The following KIFC2 variants were observed in gnomAD, a reference collection of about 807,000 sequenced individuals.
The protein encoded by KIFC2 is kinesin family member C2, also known as kinesin-like protein KIFC2.
In KIFC2, 94 loss-of-function variants were observed where a neutral mutation model predicts 91.5. The observed-to-expected ratio is 1.03, with a 90% confidence interval of 0.87 to 1.22. The LOEUF is 1.22. Among genes scored for constraint, KIFC2 ranks in the 50% most tolerant of loss-of-function variants. KIFC2 has a pLI of 0.00. For synonymous variants in KIFC2, 729 were observed against 503.9 expected, an observed-to-expected ratio of 1.45 and a Z score of -5.98; for missense variants, 1,357 against 1,103.3, an observed-to-expected ratio of 1.23 and a Z score of -3.26.
At chr8:144,466,221 A>C, upstream of KIFC2, 1 of 184,110 alleles carries the variant, frequency 5.4e-6, no homozygotes, top group Non-Finnish European at 1.1e-5. Flanking sequence ...CGCCGTGAGA[A>C]ACGGCGGGTC....
At position 144,472,861 on chromosome 8, in the gene KIFC2, C is replaced by T. The variant is rs138388715; in HGVS notation, c.1928C>T (p.Pro643Leu). The change falls in exon 17 of 18, where the codon CCG becomes CTG. Residue 643 changes from proline (P) to leucine (L), a missense_variant. By Grantham distance (98) the Pro-to-Leu change is moderately conservative (BLOSUM62 -3). Transcript: ENST00000645548. Reference protein sequence around the residue: ...RARKAGAAGPPRGDPDGARRL... With the variant: ...RARKAGAAGPLRGDPDGARRL... ...CGGAAGGCAGGGGCGGCCGGCCCGC[C>T]GCGGGGAGACCCAGACGGCGCCCGG... 2 of 1,543,030 alleles carry T rather than the reference C, an allele frequency of 1.3e-6. No individual in the cohort carries two copies. Among genetic ancestry groups the T allele is most frequent in the African/African-American group, 1.4e-5 (1 of 70,272 alleles).
At position 144,467,604 on chromosome 8, in the gene KIFC2, C is replaced by A; in HGVS notation, c.589C>A (p.Arg197=). 6.3e-7 allele frequency: 1 copy of A among 1,595,604 alleles called. No homozygotes were observed. The highest frequency in any genetic ancestry group is 8.5e-7 in the Non-Finnish European group (1 of 1,170,636). The stretch of plus-strand genomic sequence containing the variant: ...GGAGGAGGATCAGAGGGCGTGGCAG[C>A]GGCTGGAGCAGCTCATCCTGGGACA... ...QLEEDQRAWQ[R]LEQLILGQLE... The change falls in exon 5 of 18, where the codon CGG becomes AGG. Residue 197 remains arginine (R), a synonymous_variant. Coordinates refer to ENST00000645548, the MANE Select transcript of KIFC2 (RefSeq NM_001369769.2).
chr8:144,468,650 G>A lies in KIFC2; in HGVS notation c.1003G>A (p.Gly335Arg). 1 of 1,613,480 alleles carries A rather than the reference G, an allele frequency of 6.2e-7. No homozygotes were observed. Among genetic ancestry groups the A allele is most frequent in the Non-Finnish European group, 8.5e-7 (1 of 1,179,614 alleles). Residue 335 changes from glycine to arginine, a missense_variant and splice_region_variant, in exon 9 of 18, where the codon GGA (glycine) becomes AGA (arginine). Physicochemically the swap from Gly to Arg is moderately radical, Grantham distance 125. Transcript: ENST00000645548. ...ACAGCAGATGCATGGGCAGCTGGCA[G>A]GTAAGGGTTGGGGTTGGGGCTCATG... ...ELQQMHGQLA[G>R]LRARMASLRQ...
Position 144,473,050 on chromosome 8 carries a change from A to T in KIFC2, c.2117A>T (p.Gln706Leu). Reference sequence around the variant, plus strand: ...GGCACCACCGCGGTGCTGCTGCTGCAGGTGGGCGCCGGGGCGGGGCAGGTG... The same window carrying T: ...GGCACCACCGCGGTGCTGCTGCTGCTGGTGGGCGCCGGGGCGGGGCAGGTG... ...GPGTTAVLLL[Q>L]ISTRPEDLGE... The change falls in exon 17 of 18, where the codon CAG (glutamine) becomes CTG (leucine). Residue 706 changes from glutamine to leucine, a missense_variant and splice_region_variant. Physicochemically the swap from Gln to Leu is moderately radical, Grantham distance 113. Transcript: ENST00000645548. 7.0e-7 allele frequency: 1 copy of T among 1,422,182 alleles called. No individual in the cohort carries two copies. Among genetic ancestry groups the T allele is most frequent in the Admixed American group, 3.2e-5 (1 of 30,880 alleles). The allele number at this position is 1,422,182 out of a possible 1,614,324, so 88.1% of individuals were successfully genotyped here.
At position 144,472,492 on chromosome 8, in the gene KIFC2, T is replaced by C; in HGVS notation, c.1731+8T>C. 1 of 1,611,512 alleles carries C rather than the reference T, an allele frequency of 6.2e-7. No homozygotes were observed. Among genetic ancestry groups the C allele is most frequent in the Non-Finnish European group, 8.5e-7 (1 of 1,179,224 alleles). On this transcript the variant is annotated splice_region_variant and intron_variant, in intron 15 of 17. Coordinates refer to ENST00000645548, the MANE Select transcript of KIFC2 (RefSeq NM_001369769.2). ...CTGGAGACATTGCACCAGGTAGGGC[T>C]GCACCGCTCTCCGAGACCCCGCCCC...
Position 144,467,130 on chromosome 8 carries a change from C to CT in KIFC2, c.330+21dup. The CT allele has an allele frequency of 6.2e-7, 1 of 1,609,234 alleles. No homozygotes were observed. Among genetic ancestry groups the CT allele is most frequent in the Non-Finnish European group, 8.5e-7 (1 of 1,178,152 alleles). On this transcript the variant is annotated intron_variant, in intron 3 of 17. Transcript: ENST00000645548. ...GGCCAGGTGAGCGCGGCGGAGGGGG[C>CT]TGCTGGCAGGTACCACCTGCCCCGG...
Position 144,466,483 on chromosome 8 carries a change from G to T in KIFC2, c.64G>T (p.Ala22Ser). The T allele has an allele frequency of 7.6e-7, 1 of 1,320,988 alleles. No individual in the cohort carries two copies. The highest frequency in any genetic ancestry group is 9.7e-7 in the Non-Finnish European group (1 of 1,027,220). The allele number at this position is 1,320,988 out of a possible 1,614,324, so 81.8% of individuals were successfully genotyped here. A position where few individuals can be genotyped will look rare whatever the true frequency, so the allele number is the denominator to read the frequency against. Reference sequence around the variant, plus strand: ...CAGCCTCTTCCGCAGGGATGGTGGCGCCGCGGCGGCCGCGGAGCCCGGGGA... The same window carrying T: ...CAGCCTCTTCCGCAGGGATGGTGGCTCCGCGGCGGCCGCGGAGCCCGGGGA... Reference protein sequence around the residue: ...FYSLFRRDGGAAAAAEPGDPA... With the variant: ...FYSLFRRDGGSAAAAEPGDPA... Residue 22 changes from alanine (A) to serine (S), a missense_variant, in exon 1 of 18, where the codon GCC becomes TCC. By Grantham distance (99) the Ala-to-Ser change is moderately conservative (BLOSUM62 1). Transcript: ENST00000645548.
In KIFC2 at chr8:144,472,899, G is replaced by A; in HGVS notation, c.1966G>A (p.Ala656Thr). 1.3e-6 allele frequency: 2 copies of A among 1,518,712 alleles called. No individual in the cohort carries two copies. Among genetic ancestry groups the A allele is most frequent in the East Asian group, 2.5e-5 (1 of 39,744 alleles). The allele number at this position is 1,518,712 out of a possible 1,614,324, so 94.1% of individuals were successfully genotyped here. ...AGACGGCGCCCGGCGCCTGCGGGAG[G>A]CCCAGACCATAAACCGCTCGCTGCT... ...DPDGARRLRE[A>T]QTINRSLLAL... Residue 656 changes from alanine (A) to threonine (T), a missense_variant, in exon 17 of 18, where the codon GCC (alanine) becomes ACC (threonine). Physicochemically the swap from Ala to Thr is moderately conservative, Grantham distance 58. Transcript: ENST00000645548.
rs751165148 is a variant in KIFC2, at chr8:144,472,726, A to G, written c.1861+20A>G. 6.3e-7 allele frequency: 1 copy of G among 1,592,298 alleles called. No individual in the cohort carries two copies. Among genetic ancestry groups the G allele is most frequent in the Non-Finnish European group, 8.5e-7 (1 of 1,176,912 alleles). ...CCGCAGGTACCACGGCCGGTGCCTG[A>G]GCCCTGCGGAGTCTCCAGAGCACCC... On this transcript the variant is annotated intron_variant, in intron 16 of 17. Transcript: ENST00000645548.
rs573409958 is a variant in KIFC2 at position 144,467,712 on chromosome 8, A to C, written c.616-2A>C. The C allele has an allele frequency of 1.9e-6, 3 of 1,613,780 alleles. No individual in the cohort carries two copies. The highest frequency in any genetic ancestry group is 2.5e-6 in the Non-Finnish European group (3 of 1,179,920). Reference sequence around the variant, plus strand: ...CACCCTGTCTCTCTTACTTCTCCCCAGCTGGAGGAGCTGAAGCAGCAGCTG... The same window carrying C: ...CACCCTGTCTCTCTTACTTCTCCCCCGCTGGAGGAGCTGAAGCAGCAGCTG... On this transcript the variant is annotated splice_acceptor_variant, in intron 5 of 17. Transcript: ENST00000645548. LOFTEE classifies it high-confidence loss of function.
Position 144,467,276 on chromosome 8 carries a change from G to A in KIFC2, c.404G>A (p.Arg135Lys). ...CTTCTGGCATGGCTTCGAAGCCCCAGGGGGAGGCAGGCCCTGCTCCAGGGG... is the reference window on the plus strand; with the variant it reads ...CTTCTGGCATGGCTTCGAAGCCCCAAGGGGAGGCAGGCCCTGCTCCAGGGG... ...LALLAWLRSP[R>K]GRQALLQGTQ... The change falls in exon 4 of 18, where the codon AGG becomes AAG. Residue 135 changes from arginine (R) to lysine (K), a missense_variant. By Grantham distance (26) the Arg-to-Lys change is conservative. Transcript: ENST00000645548. 1 of 1,613,426 alleles carries A rather than the reference G, an allele frequency of 6.2e-7. No homozygotes were observed. Among genetic ancestry groups the A allele is most frequent in the Non-Finnish European group, 8.5e-7 (1 of 1,179,986 alleles).
Position 144,468,641 on chromosome 8 carries a change from C to T in KIFC2, c.994C>T (p.Gln332Ter), listed in dbSNP as rs2129991180. ...GCGTGAGCTACAGCAGATGCATGGG[C>T]AGCTGGCAGGTAAGGGTTGGGGTTG... ...CRRELQQMHG[Q>*]LAGLRARMAS... is the part of the protein sequence containing the mutation. Residue 332 changes from glutamine to a stop codon, truncating the protein, a stop_gained, in exon 9 of 18, where the codon CAG becomes TAG. Coordinates refer to ENST00000645548, the MANE Select transcript of KIFC2 (RefSeq NM_001369769.2). LOFTEE classifies it high-confidence loss of function. 6.2e-7 allele frequency: 1 copy of T among 1,613,388 alleles called. No homozygotes were observed. Among genetic ancestry groups the T allele is most frequent in the Non-Finnish European group, 8.5e-7 (1 of 1,179,588 alleles).
In KIFC2 at chr8:144,467,797, C is replaced by A. The variant is rs756270419; in HGVS notation, c.681+18C>A. ...TGGGCGTGGTGAGGCTGCAGGGAGA[C>A]CTGGCAGGGCCGGGCATGGAGGGGG... On this transcript the variant is annotated intron_variant, in intron 6 of 17. Transcript: ENST00000645548. 1.2e-6 allele frequency: 2 copies of A among 1,613,440 alleles called. No homozygotes were observed. The highest frequency in any genetic ancestry group is 3.3e-5 in the Admixed American group (2 of 59,974).
At position 144,466,419 on chromosome 8, in the gene KIFC2, C is replaced by A; in HGVS notation, c.-1C>A. ...GGGGCCCTCTGCCGCCCCGCGCTCC[C>A]ATGTACGCCTTTTACTCGTTGCTCA... is the stretch of plus-strand genomic sequence containing the variant. On this transcript the variant is annotated 5_prime_UTR_variant, in exon 1 of 18. Coordinates refer to ENST00000645548, the MANE Select transcript of KIFC2 (RefSeq NM_001369769.2). 1 of 1,322,024 alleles carries A rather than the reference C, an allele frequency of 7.6e-7. No individual in the cohort carries two copies. The highest frequency in any genetic ancestry group is 2.8e-5 in the Admixed American group (1 of 36,306). 81.9% of individuals were successfully genotyped at this position (1,322,024 alleles called of 1,614,324 possible).
chr8:144,473,967 G>T lies in KIFC2; in HGVS notation c.*578G>T. On this transcript the variant is annotated 3_prime_UTR_variant, in exon 18 of 18. Coordinates refer to ENST00000645548, the MANE Select transcript of KIFC2 (RefSeq NM_001369769.2). ...GATGGGTAGTGGGCTGAGAAGAGGG[G>T]ACTAGGAAGGGCTATTCCAGGCTCA... 3.8e-6 allele frequency: 2 copies of T among 527,534 alleles called. No individual in the cohort carries two copies. Among genetic ancestry groups the T allele is most frequent in the Non-Finnish European group, 6.7e-6 (2 of 298,010 alleles). 32.7% of individuals were successfully genotyped at this position (527,534 alleles called of 1,614,324 possible). A position where few individuals can be genotyped will look rare whatever the true frequency, so the allele number is the denominator to read the frequency against.
rs1368178160 is a variant in KIFC2 at position 144,467,233 on chromosome 8, A to C, written c.361A>C (p.Thr121Pro). ...CGAGGTCCCCTCACTGTTGACAGTG[A>C]CCAGTCAGCTCTTGGCCCTTCTGGC... ...SGEVPSLLTV[T>P]SQLLALLAWL... Residue 121 changes from threonine (T) to proline (P), a missense_variant, in exon 4 of 18, where the codon ACC becomes CCC. Physicochemically the swap from Thr to Pro is conservative, Grantham distance 38. Transcript: ENST00000645548. 6.2e-7 allele frequency: 1 copy of C among 1,613,624 alleles called. No homozygotes were observed. The highest frequency in any genetic ancestry group is 1.1e-5 in the South Asian group (1 of 91,086).
rs772912756 is a variant in KIFC2, at chr8:144,467,034, T to C, written c.254T>C (p.Leu85Pro). 13 of 1,595,110 alleles carry C rather than the reference T, an allele frequency of 8.1e-6. No individual in the cohort carries two copies. The highest frequency in any genetic ancestry group is 1.0e-5 in the Non-Finnish European group (12 of 1,172,516). Residue 85 changes from leucine (L) to proline (P), a missense_variant, in exon 3 of 18, where the codon CTA (leucine) becomes CCA (proline). Physicochemically the swap from Leu to Pro is moderately conservative, Grantham distance 98 (BLOSUM62 -3). Coordinates refer to ENST00000645548, the MANE Select transcript of KIFC2 (RefSeq NM_001369769.2). Reference protein sequence around the residue: ...RAAAVSLEEALLRLAEFLSVQ... With the variant: ...RAAAVSLEEAPLRLAEFLSVQ... ...GCCGCGGTGTCCCTGGAAGAGGCCC[T>C]ACTGCGCCTCGCCGAGTTCCTCTCC...
intron 1 of KIFC2, 110 bp from the exon 2 acceptor site, chr8:144,466,650 G>A (rs1824652603): frequency 2.0e-6 from 2 of 1,021,082 alleles, no homozygotes; most frequent in East Asian, 3.4e-5. Flanking sequence ...GCTCGGCCCC[G>A]ATGCTGGAAG....
chr8:144,467,074 G>A lies in KIFC2; in HGVS notation c.294G>A (p.Ala98=), dbSNP rs747649041. The A allele has an allele frequency of 6.3e-7, 1 of 1,596,908 alleles. No individual in the cohort carries two copies. The highest frequency in any genetic ancestry group is 8.5e-7 in the Non-Finnish European group (1 of 1,171,956). The change falls in exon 3 of 18, where the codon GCG becomes GCA. Residue 98 remains alanine, a synonymous_variant. Transcript: ENST00000645548. ...AGTTCCTCTCCGTCCAGCTGGGGGC[G>A]GAAGAGAGCTGCGGGGGCCCGGCGG... The part of the protein sequence containing the change: ...LAEFLSVQLG[A]EESCGGPADL...
Sources: allele counts gnomAD v4.1 joint callset, GRCh38; gene constraint gnomAD v4.1.1; transcripts MANE v1.5; gene names NCBI Gene and HGNC (gene_info 2026-07-23, HGNC 2026-07-21).